SMG9: variants seen among roughly 807,000 people sequenced by gnomAD.
SMG9 encodes nonsense-mediated mRNA decay factor SMG9.
A neutral mutation model predicts 64.0 loss-of-function variants in SMG9; 55 were observed. The observed-to-expected ratio is 0.86, with a 90% CI of 0.69 to 1.08. The LOEUF is 1.08. SMG9 is among the 50% of genes least tolerant of loss of function. The pLI, the probability that SMG9 is intolerant of heterozygous loss-of-function variation, is 0.00. For synonymous variants in SMG9, 244 were observed against 254.8 expected (o/e 0.96, Z 0.41); for missense variants, 554 against 681.3 (o/e 0.81, Z 2.08).
At chr19:43,739,979 C>G (rs780883943) in intron 7 of SMG9, 128 bp downstream of exon 7, 2 of 717,748 alleles carry the variant, frequency 2.8e-6, no homozygotes, top group Non-Finnish European at 4.9e-6. Context: ...TGCCCCAGGG[C>G]AGCCAGTATG....
chr19:43,745,526 G>C (rs192487713), intron 5 of SMG9, among the ~76,000 whole-genome samples: 97 of 152,212 alleles, frequency 6.4e-4, no homozygotes, highest in African/African-American at 2.3e-3. Flanking sequence ...TGTGGCTGCT[G>C]CTCCTTAGAA....
At position 43,728,870 on chromosome 19, in the gene SMG9, T is replaced by A. The variant is rs527337754; in HGVS notation, c.*2726A>T. 1 of 458,198 alleles carries A rather than the reference T, an allele frequency of 2.2e-6. No homozygotes were observed. The highest frequency in any genetic ancestry group is 2.9e-6 in the Non-Finnish European group (1 of 348,242). 28.4% of individuals were successfully genotyped at this position (458,198 alleles called of 1,614,324 possible). On this transcript the variant is annotated 3_prime_UTR_variant, in exon 14 of 14. Coordinates refer to ENST00000270066, the MANE Select transcript of SMG9 (RefSeq NM_019108.4). ...ATACCAATGTATTCCTGTGTCTGAA[T>A]TGAAAAGCGTGAGTTCCACCTGCTG...
chr19:43,732,694 G>T, intron 13 of SMG9, 164 bp downstream of exon 13: 1 of 781,582 alleles, frequency 1.3e-6, no homozygotes. Context: ...TGCCACATGG[G>T]TGAGATGCTT....
chr19:43,733,609 G>T lies in SMG9; in HGVS notation c.1210+17C>A. Reference sequence around the variant, plus strand: ...TAGGAGGCTGACTAGCTTGGGGGGTGATGTGGGAACCCTTACCCTTGTAAC... The same window carrying T: ...TAGGAGGCTGACTAGCTTGGGGGGTTATGTGGGAACCCTTACCCTTGTAAC... On this transcript the variant is annotated intron_variant, in intron 11 of 13. Transcript: ENST00000270066. 6.2e-7 allele frequency: 1 copy of T among 1,612,668 alleles called. No individual in the cohort carries two copies. The highest frequency in any genetic ancestry group is 1.7e-4 in the Middle Eastern group (1 of 6,040).
intron 9 of SMG9, among the ~76,000 whole-genome samples, chr19:43,736,574 C>T (rs970192943): frequency 6.6e-6 from 1 of 152,174 alleles, no homozygotes; most frequent in Non-Finnish European, 1.5e-5. Flanking sequence ...GGAGGGCACA[C>T]GAGCCTGAAG....
chr19:43,733,149 A>G, intron 12 of SMG9, 147 bp from the exon 13 acceptor site: 3 of 1,305,560 alleles, frequency 2.3e-6, no homozygotes, highest in Non-Finnish European at 3.1e-6. Flanking sequence ...ACACACTCCT[A>G]ATAAAGGGTC....
rs917981127 is a variant in SMG9 at position 43,731,518 on chromosome 19, G to A, written c.*78C>T. On this transcript the variant is annotated 3_prime_UTR_variant, in exon 14 of 14. Transcript: ENST00000270066. Reference sequence around the variant, plus strand: ...GCCTGCTGCCGCTCTCCACCCCAGCGGGGGATGGACATCTGTGCTCCCTCG... The same window carrying A: ...GCCTGCTGCCGCTCTCCACCCCAGCAGGGGATGGACATCTGTGCTCCCTCG... 28 of 1,593,694 alleles carry A rather than the reference G, an allele frequency of 1.8e-5. No individual in the cohort carries two copies. The highest frequency in any genetic ancestry group is 3.3e-4 in the Middle Eastern group (2 of 6,008).
At chr19:43,742,184 T>A (rs1968865947) in intron 6 of SMG9, among the ~76,000 whole-genome samples, 1 of 151,994 alleles carries the variant, frequency 6.6e-6, no homozygotes, top group African/African-American at 2.4e-5. Flanking sequence ...GGCATGGTGG[T>A]ACACAAATGT....
At chr19:43,752,056 A>C (rs189435395) in intron 1 of SMG9, among the ~76,000 whole-genome samples, 1 of 152,318 alleles carries the variant, frequency 6.6e-6, no homozygotes, top group Admixed American at 6.5e-5. Context: ...TTACTAGTGT[A>C]TGTCATGGTG....
intron 1 of SMG9, chr19:43,754,234 C>G (rs1969283890): frequency 6.6e-6 from 1 of 152,168 alleles, no homozygotes; most frequent in African/African-American, 2.4e-5. Context: ...CAGCCCAGAA[C>G]TGTAGTCGAT....
Position 43,730,503 on chromosome 19 carries a change from G to C in SMG9, c.*1093C>G, listed in dbSNP as rs531174476. 3.3e-5 allele frequency: 5 copies of C among 152,154 alleles called. No homozygotes were observed. In the East Asian group the frequency reaches 9.7e-4, roughly 29 times the overall value. 9.4% of individuals were successfully genotyped at this position (152,154 alleles called of 1,614,324 possible). A position where few individuals can be genotyped will look rare whatever the true frequency, so the allele number is the denominator to read the frequency against. On this transcript the variant is annotated 3_prime_UTR_variant, in exon 14 of 14. Transcript: ENST00000270066. ...CTGTACGGGTGAGGCATGGTATTTGGATTAAGGGTAAGTACTTACTACATT... is the reference window on the plus strand; with the variant it reads ...CTGTACGGGTGAGGCATGGTATTTGCATTAAGGGTAAGTACTTACTACATT...
In SMG9 at chr19:43,729,079, GTACA is replaced by G; in HGVS notation, c.*2513_*2516del. ...ATGTAAAGGGGGTGGCGGGTGACCG[GTACA>G]TACTTACCCACTGTTCAGAAGGCTA... is the stretch of plus-strand genomic sequence containing the variant. On this transcript the variant is annotated 3_prime_UTR_variant, in exon 14 of 14. Coordinates refer to ENST00000270066, the MANE Select transcript of SMG9 (RefSeq NM_019108.4). The G allele has an allele frequency of 1.0e-6, 1 of 973,606 alleles. No homozygotes were observed. The highest frequency in any genetic ancestry group is 1.2e-6 in the Non-Finnish European group (1 of 819,238). 60.3% of individuals were successfully genotyped at this position (973,606 alleles called of 1,614,324 possible). A position where few individuals can be genotyped will look rare whatever the true frequency, so the allele number is the denominator to read the frequency against.
At chr19:43,745,236 T>C (rs983525130) in intron 5 of SMG9, among the ~76,000 whole-genome samples, 2 of 152,082 alleles carry the variant, frequency 1.3e-5, no homozygotes, top group African/African-American at 4.8e-5. Flanking sequence ...GAAGGGCAGG[T>C]TGGAGAAGAT....
rs373966659 is a variant in SMG9 at position 43,733,865 on chromosome 19, C to T, written c.1103-132G>A. On this transcript the variant is annotated intron_variant, in intron 10 of 13. Coordinates refer to ENST00000270066, the MANE Select transcript of SMG9 (RefSeq NM_019108.4). The stretch of plus-strand genomic sequence containing the variant: ...TGTAAATATTTATATAACTTCACTT[C>T]ACTTTAGCACCAGGCTCTGTGTAGG... The T allele has an allele frequency of 2.3e-5, 15 of 664,052 alleles. No individual in the cohort carries two copies. The Admixed American group carries it at 3.7e-4, about 16-fold the overall frequency. The allele number at this position is 664,052 out of a possible 1,614,324, so 41.1% of individuals were successfully genotyped here.
Position 43,733,414 on chromosome 19 carries a change from G to A in SMG9, c.1249C>T (p.Leu417Phe), listed in dbSNP as rs777838022. The A allele has an allele frequency of 2.4e-5, 38 of 1,613,956 alleles. No individual in the cohort carries two copies. In the Middle Eastern group the frequency reaches 8.2e-4, roughly 35 times the overall value. ...TCAGAGTCCAGGAAGTCAGGTGGAAGCCCCGGGAAGACATTGCATTGTAAC... is the reference window on the plus strand; with the variant it reads ...TCAGAGTCCAGGAAGTCAGGTGGAAACCCCGGGAAGACATTGCATTGTAAC... ...SMLQCNVFPG[L>F]PPDFLDSEVN... Residue 417 changes from leucine (L) to phenylalanine (F), a missense_variant, in exon 12 of 14, where the codon CTT (leucine) becomes TTT (phenylalanine). Transcript: ENST00000270066.
At chr19:43,733,236 A>G (rs1968542753) in intron 12 of SMG9, 88 bp downstream of exon 12, 1 of 1,535,932 alleles carries the variant, frequency 6.5e-7, no homozygotes, top group Admixed American at 2.0e-5. Context: ...AGGGCAACCC[A>G]TGTCGCCTCC....
chr19:43,748,118 T>A, intron 2 of SMG9, 66 bp from the exon 3 acceptor site: 1 of 1,523,238 alleles, frequency 6.6e-7, no homozygotes, highest in Non-Finnish European at 8.8e-7. Flanking sequence ...TTATGTACCA[T>A]GAACTATTCT....
intron 12 of SMG9, 29 bp downstream of exon 12, chr19:43,733,295 C>G: frequency 6.2e-7 from 1 of 1,612,014 alleles, no homozygotes; most frequent in Non-Finnish European, 8.5e-7. Flanking sequence ...GGACTTGTCT[C>G]TCCATGAACC....
chr19:43,739,890 C>T lies in SMG9; in HGVS notation c.813+217G>A, dbSNP rs567306906. The T allele has an allele frequency of 8.1e-4, 460 of 569,614 alleles. 1 individual carries two copies. The highest frequency in any genetic ancestry group is 1.2e-3 in the Non-Finnish European group (385 of 317,590). The allele number at this position is 569,614 out of a possible 1,614,324, so 35.3% of individuals were successfully genotyped here. ...CACTTTTCAGCACTATACTAGAAAT[C>T]CTTTAGGCTACTGTGTAGAAGGCGA... is the stretch of plus-strand genomic sequence containing the variant. On this transcript the variant is annotated intron_variant, in intron 7 of 13. Coordinates refer to ENST00000270066, the MANE Select transcript of SMG9 (RefSeq NM_019108.4).
Sources: gnomAD v4.1 joint callset for allele counts (sites outside exome capture counted in the v4.1 genomes callset) on GRCh38, gnomAD v4.1.1 for gene constraint, MANE v1.5 for transcripts, NCBI Gene and HGNC (gene_info 2026-07-23, HGNC 2026-07-21) for gene names.